CIDEB: variants seen among roughly 807,000 people sequenced by gnomAD.
The protein encoded by CIDEB is cell death inducing DFFA like effector b, also known as lipid transferase CIDEB.
CIDEB carries 27 observed loss-of-function variants against 22.4 expected under a neutral mutation model. That is an observed-to-expected ratio of 1.21 (90% CI 0.89 to 1.66). The LOEUF (loss-of-function observed/expected upper bound fraction) is 1.66, where lower values mean the gene tolerates loss of function less well. Ranked by LOEUF, CIDEB falls within the 40% of genes most tolerant of loss-of-function variation. The probability of loss-of-function intolerance (pLI) is 0.00; values close to 1 mark genes in which losing one functional copy is unlikely to be tolerated. For synonymous variants in CIDEB, 103 were observed against 109.5 expected, an observed-to-expected ratio of 0.94 and a Z score of 0.37; for missense variants, 289 against 268.7, an observed-to-expected ratio of 1.08 and a Z score of -0.53.
chr14:24,307,696 A>T (rs2041561970), intron 1 of CIDEB, 122 bp downstream of exon 1: 2 of 1,283,718 alleles, frequency 1.6e-6, no homozygotes, highest in Non-Finnish European at 2.2e-6. Flanking sequence ...TGACAAGCCC[A>T]CTGTGGAGTG....
At chr14:24,307,189 C>G (rs765966980) in intron 2 of CIDEB, 182 bp downstream of exon 2, 43 of 592,758 alleles carry the variant, frequency 7.3e-5, no homozygotes, top group Non-Finnish European at 1.1e-4. Context: ...CATAGAAAAG[C>G]TCACTCGGTG....
chr14:24,310,705 T>C, upstream of CIDEB: 1 of 1,613,448 alleles, frequency 6.2e-7, no homozygotes, highest in Non-Finnish European at 8.5e-7. Context: ...GAGACACTGC[T>C]GAGCTGGAAG....
At chr14:24,310,889 G>C (rs754141273), upstream of CIDEB, 5 of 1,592,854 alleles carry the variant, frequency 3.1e-6, no homozygotes, top group South Asian at 5.5e-5. Context: ...TGCTGCTCAC[G>C]CCGCTCTTTG....
At chr14:24,311,055 C>T (rs1566422837), upstream of CIDEB, 2 of 1,571,628 alleles carry the variant, frequency 1.3e-6, no homozygotes, top group Non-Finnish European at 1.7e-6. Context: ...CCTGGCGCCT[C>T]GGCTGCGCAG....
At chr14:24,307,300 C>G (rs1253286395) in intron 2 of CIDEB, 71 bp downstream of exon 2, 2 of 1,513,906 alleles carry the variant, frequency 1.3e-6, no homozygotes, top group East Asian at 4.5e-5. Flanking sequence ...GCTCCATCAT[C>G]ACAAGTTGCC....
chr14:24,306,097 T>C lies in CIDEB; in HGVS notation c.377A>G (p.Lys126Arg). The part of the protein sequence containing the change: ...LSYGLGRERP[K>R]HSKDIARFTF... ...GAATCGGGCGATGTCCTTGCTGTGC[T>C]TGGGCCTCTCCCGTCCCAGGCCATA... The change falls in exon 4 of 5, where the codon AAG becomes AGG. Residue 126 changes from lysine (K) to arginine (R), a missense_variant. Transcript: ENST00000554411. 2 of 1,614,114 alleles carry C rather than the reference T, an allele frequency of 1.2e-6. No homozygotes were observed. Among genetic ancestry groups the C allele is most frequent in the Non-Finnish European group, 1.7e-6 (2 of 1,180,014 alleles).
upstream of CIDEB, chr14:24,310,940 G>T: frequency 1.3e-6 from 2 of 1,591,322 alleles, no homozygotes; most frequent in Non-Finnish European, 1.7e-6. Context: ...TGGGCCAGGC[G>T]GGCTGCAAGG....
upstream of CIDEB, chr14:24,309,981 C>A: frequency 6.3e-6 from 1 of 158,044 alleles, no homozygotes; most frequent in Non-Finnish European, 1.4e-5. Flanking sequence ...TTTCCTTCCA[C>A]CACCAGGGAA....
At position 24,305,587 on chromosome 14, in the gene CIDEB, C is replaced by T; in HGVS notation, c.*46G>A. 1 of 1,584,768 alleles carries T rather than the reference C, an allele frequency of 6.3e-7. No individual in the cohort carries two copies. Among genetic ancestry groups the T allele is most frequent in the South Asian group, 1.2e-5 (1 of 86,014 alleles). ...AAATTTGATGCTGTCATAGTCTTTG[C>T]AGTGGGTCGGTTGGAATGATTCTGG... is the stretch of plus-strand genomic sequence containing the variant. On this transcript the variant is annotated 3_prime_UTR_variant, in exon 5 of 5. Transcript: ENST00000554411.
upstream of CIDEB, chr14:24,311,309 C>A (rs757818449): frequency 1.9e-6 from 3 of 1,593,538 alleles, no homozygotes; most frequent in African/African-American, 2.7e-5. Context: ...GCTGGGGCTC[C>A]GGGCGGCACG....
chr14:24,310,845 G>T (rs2041671366), upstream of CIDEB: 1 of 1,595,040 alleles, frequency 6.3e-7, no homozygotes, highest in South Asian at 1.1e-5. Flanking sequence ...GGCCACGCTT[G>T]TGCTGCACCT....
rs200582475 is a variant in CIDEB at position 24,305,946 on chromosome 14, C to A, written c.527+1G>T. On this transcript the variant is annotated splice_donor_variant, in intron 4 of 4. Transcript: ENST00000554411. LOFTEE classifies it high-confidence loss of function. ...GGCAGTATGACATGTTGATTTCTGACCTGAGTACTTTCTTTGGGCCAAGTC... is the reference window on the plus strand; with the variant it reads ...GGCAGTATGACATGTTGATTTCTGAACTGAGTACTTTCTTTGGGCCAAGTC... 6 of 1,612,488 alleles carry A rather than the reference C, an allele frequency of 3.7e-6. No homozygotes were observed. The Admixed American group carries it at 5.0e-5, about 13-fold the overall frequency.
chr14:24,311,053 C>G (rs766518366), upstream of CIDEB: 2 of 1,572,382 alleles, frequency 1.3e-6, no homozygotes, highest in Non-Finnish European at 1.7e-6. Flanking sequence ...TTCCTGGCGC[C>G]TCGGCTGCGC....
upstream of CIDEB, chr14:24,309,792 A>G (rs987282356): frequency 3.9e-5 from 6 of 152,712 alleles, no homozygotes; most frequent in Admixed American, 6.5e-5. Context: ...CAGCCGGACC[A>G]GGAGACTGGA....
Position 24,306,002 on chromosome 14 carries a change from C to T in CIDEB, c.472G>A (p.Gly158Arg), listed in dbSNP as rs199780940. 6.2e-6 allele frequency: 10 copies of T among 1,613,986 alleles called. No homozygotes were observed. The highest frequency in any genetic ancestry group is 1.6e-4 in the Middle Eastern group (1 of 6,084). ...AAGTCACAACTCATAGAGTAGAGCC[C>T]GTAGAATGTGGCTTTGACATTCAGG... is the stretch of plus-strand genomic sequence containing the variant. ...GSLNVKATFY[G>R]LYSMSCDFQG... Residue 158 changes from glycine to arginine, a missense_variant, in exon 4 of 5, where the codon GGG becomes AGG. Physicochemically the swap from Gly to Arg is moderately radical, Grantham distance 125. Coordinates refer to ENST00000554411, the MANE Select transcript of CIDEB (RefSeq NM_001393339.1).
At chr14:24,311,118 C>T (rs1426760003), upstream of CIDEB, 22 of 1,577,590 alleles carry the variant, frequency 1.4e-5, no homozygotes, top group Non-Finnish European at 1.8e-5. Flanking sequence ...CGCCCTGTTG[C>T]TCGCCGTCCC....
chr14:24,311,332 G>A, upstream of CIDEB: 4 of 1,601,940 alleles, frequency 2.5e-6, no homozygotes, highest in Non-Finnish European at 3.4e-6. Flanking sequence ...GCGCGGGTGG[G>A]CCGGCTGGTG....
At chr14:24,310,776 A>C, upstream of CIDEB, 1 of 1,606,958 alleles carries the variant, frequency 6.2e-7, no homozygotes, top group East Asian at 2.2e-5. Flanking sequence ...GCTGCCTGGC[A>C]ACGGCTTCGT....
intron 4 of CIDEB, 40 bp downstream of exon 4, chr14:24,305,907 A>C (rs374035938): frequency 3.8e-6 from 6 of 1,597,304 alleles, no homozygotes; most frequent in Non-Finnish European, 5.1e-6. Context: ...GGACTATCCA[A>C]CTGTAGGGGA....
Sources: gnomAD v4.1 joint callset for allele counts on GRCh38, gnomAD v4.1.1 for gene constraint, MANE v1.5 for transcripts, NCBI Gene and HGNC (gene_info 2026-07-23, HGNC 2026-07-21) for gene names.